The following NBAS variants were observed in gnomAD, a reference collection of about 807,000 sequenced individuals.
NBAS encodes NAG/BC035112 fusion.
A neutral mutation model predicts 302.5 loss-of-function variants in NBAS; 219 were observed. That is an observed-to-expected ratio of 0.72 (90% confidence interval 0.65 to 0.81). NBAS has a LOEUF of 0.81. NBAS is among the 30% of genes least tolerant of loss of function. The pLI is 0.00. For synonymous variants in NBAS, 1,118 were observed against 1,021.6 expected (o/e 1.09, Z -1.80); for missense variants, 2,932 against 2,841.6 (o/e 1.03, Z -0.72).
the NBAS span, among the ~76,000 whole-genome samples, chr2:15,071,952 T>C: frequency 6.6e-6 from 1 of 152,338 alleles, no homozygotes; most frequent in East Asian, 1.9e-4. Flanking sequence ...TACATCTTTG[T>C]CCCTGAAGAC....
the NBAS span, among the ~76,000 whole-genome samples, chr2:14,873,263 T>A: frequency 6.6e-6 from 1 of 150,668 alleles, no homozygotes; most frequent in East Asian, 1.9e-4. Flanking sequence ...ACTGATGCAT[T>A]TACAACCCTT....
chr2:15,398,132 TGTTTTGTTTTGTTTGGTTTG>T (rs1483098284), intron 26 of NBAS, among the ~76,000 whole-genome samples: 2 of 89,106 alleles, frequency 2.2e-5, no homozygotes, highest in Non-Finnish European at 5.6e-5. Flanking sequence ...TTTGTTTGTT[TGTTTTGTTTTGTTTGGTTTG>T]GTTTTGTTTG....
intron 40 of NBAS, 100 bp downstream of exon 40, chr2:15,308,116 C>T: frequency 6.5e-7 from 1 of 1,545,996 alleles, no homozygotes; most frequent in Non-Finnish European, 8.9e-7. Context: ...ATTCTGGATA[C>T]ATATGTAATC....
chr2:15,462,603 TGAG>T (rs1679552323), intron 19 of NBAS, among the ~76,000 whole-genome samples: 1 of 142,912 alleles, frequency 7.0e-6, no homozygotes, highest in Non-Finnish European at 1.5e-5. Context: ...AAGAGAAGAA[TGAG>T]GAGATGTGGA....
the NBAS span, among the ~76,000 whole-genome samples, chr2:15,030,780 G>T: frequency 2.6e-5 from 4 of 152,192 alleles, no homozygotes; most frequent in East Asian, 1.9e-4. Context: ...ACTATCTTGT[G>T]CATGGTAGGA....
At chr2:14,973,994 A>T in the NBAS span, among the ~76,000 whole-genome samples, 1 of 152,154 alleles carries the variant, frequency 6.6e-6, no homozygotes, top group Non-Finnish European at 1.5e-5. Flanking sequence ...CAAGACCTAG[A>T]TCTAAAGCCA....
chr2:15,216,020 A>AAGT (rs1396715745), intron 48 of NBAS, among the ~76,000 whole-genome samples: 2 of 152,190 alleles, frequency 1.3e-5, no homozygotes, highest in African/African-American at 4.8e-5. Context: ...TTCACTCACC[A>AAGT]AGTAACAAGA....
rs541232084 is a variant in NBAS, at chr2:15,429,471, C to T, written c.2340-1677G>A. Among the ~76,000 whole-genome samples, 17 of 152,132 alleles carry T rather than the reference C, an allele frequency of 1.1e-4. No individual in the cohort carries two copies. In the South Asian group the frequency reaches 3.1e-3, roughly 28 times the overall value. Reference sequence around the variant, plus strand: ...CTTTGCACAAGAAACACTTCATAAACGTTTGAAAATTATGTTGGTGAAGAG... The same window carrying T: ...CTTTGCACAAGAAACACTTCATAAATGTTTGAAAATTATGTTGGTGAAGAG... On this transcript the variant is annotated intron_variant, in intron 21 of 51. Coordinates refer to ENST00000281513, the MANE Select transcript of NBAS (RefSeq NM_015909.4).
intron 35 of NBAS, among the ~76,000 whole-genome samples, chr2:15,332,605 C>G (rs1672403853): frequency 6.6e-6 from 1 of 150,500 alleles, no homozygotes. Context: ...ACCATCAACT[C>G]AATACAATAT....
chr2:14,989,293 ATGTGTGTG>A, the NBAS span, among the ~76,000 whole-genome samples: 7 of 148,022 alleles, frequency 4.7e-5, no homozygotes, highest in African/African-American at 1.2e-4. Flanking sequence ...ATGTATGTGT[ATGTGTGTG>A]TGTGTGTGTG....
the NBAS span, among the ~76,000 whole-genome samples, chr2:14,873,305 C>A: frequency 6.6e-6 from 1 of 152,172 alleles, no homozygotes; most frequent in Non-Finnish European, 1.5e-5. Context: ...CAAGTCCCCA[C>A]CCGATCCAGA....
chr2:14,786,666 A>T, the NBAS span, among the ~76,000 whole-genome samples: 1 of 151,992 alleles, frequency 6.6e-6, no homozygotes, highest in Non-Finnish European at 1.5e-5. Context: ...TTCTAGTTTG[A>T]TTGTACTGTG....
At chr2:14,872,105 G>A in the NBAS span, among the ~76,000 whole-genome samples, 1 of 152,170 alleles carries the variant, frequency 6.6e-6, no homozygotes, top group Admixed American at 6.5e-5. Context: ...GAAAACTGGA[G>A]TGACTATATT....
chr2:15,116,181 C>T, the NBAS span, among the ~76,000 whole-genome samples: 1 of 152,174 alleles, frequency 6.6e-6, no homozygotes, highest in African/African-American at 2.4e-5. Flanking sequence ...TGAAGGTTTG[C>T]TCTTCGTTGA....
chr2:15,381,915 A>G (rs1450265249), intron 29 of NBAS, among the ~76,000 whole-genome samples: 1 of 152,018 alleles, frequency 6.6e-6, no homozygotes, highest in Non-Finnish European at 1.5e-5. Context: ...CACAAAGCAG[A>G]GACCTATTTT....
intron 41 of NBAS, among the ~76,000 whole-genome samples, chr2:15,292,075 A>G (rs1670330141): frequency 6.6e-6 from 1 of 152,188 alleles, no homozygotes; most frequent in African/African-American, 2.4e-5. Context: ...TCCGGGTTCA[A>G]AGGATTCTCG....
intron 21 of NBAS, among the ~76,000 whole-genome samples, chr2:15,435,932 T>C (rs557068939): frequency 6.6e-6 from 1 of 152,234 alleles, no homozygotes; most frequent in African/African-American, 2.4e-5. Flanking sequence ...CTTATATGCA[T>C]AATAATAACA....
intron 32 of NBAS, among the ~76,000 whole-genome samples, chr2:15,365,112 G>A (rs1674134990): frequency 6.6e-6 from 1 of 152,184 alleles, no homozygotes; most frequent in Non-Finnish European, 1.5e-5. Flanking sequence ...CTTTCTAAGA[G>A]TCTAAATTCT....
chr2:14,993,837 T>C, the NBAS span, among the ~76,000 whole-genome samples: 1 of 152,322 alleles, frequency 6.6e-6, no homozygotes, highest in African/African-American at 2.4e-5. Context: ...TATCATTATA[T>C]AGAATTTGGT....
Sources: gnomAD v4.1 joint callset for allele counts (sites outside exome capture counted in the v4.1 genomes callset) on GRCh38, gnomAD v4.1.1 for gene constraint, MANE v1.5 for transcripts, NCBI Gene and HGNC (gene_info 2026-07-23, HGNC 2026-07-21) for gene names.